UPF1: variants seen among roughly 807,000 people sequenced by gnomAD.
The protein encoded by UPF1 is regulator of nonsense transcripts 1.
A neutral mutation model predicts 129.2 loss-of-function variants in UPF1; 9 were observed. The observed-to-expected ratio is 0.07, with a 90% CI of 0.04 to 0.12. The LOEUF (loss-of-function observed/expected upper bound fraction) is 0.12. Among genes scored for constraint, UPF1 ranks in the 10% least tolerant of loss-of-function variants. The probability of loss-of-function intolerance (pLI) is 1.00; values close to 1 mark genes in which losing one functional copy is unlikely to be tolerated. For synonymous variants in UPF1, 649 were observed against 644.9 expected (o/e 1.01, Z -0.10); for missense variants, 788 against 1,525.3 (o/e 0.52, Z 8.05).
chr19:18,859,165 G>T (rs2055749975), intron 15 of UPF1, among the ~76,000 whole-genome samples: 1 of 152,228 alleles, frequency 6.6e-6, no homozygotes, highest in Non-Finnish European at 1.5e-5. Context: ...GCTCTGGGGT[G>T]TCTGAGCACT....
intron 15 of UPF1, among the ~76,000 whole-genome samples, chr19:18,858,217 CA>C (rs1393050879): frequency 6.6e-6 from 1 of 152,178 alleles, no homozygotes; most frequent in African/African-American, 2.4e-5. Context: ...AGACTTTTTC[CA>C]AAAATGATCG....
chr19:18,860,126 T>C, intron 15 of UPF1, 195 bp from the exon 16 acceptor site: 1 of 579,894 alleles, frequency 1.7e-6, no homozygotes, highest in Non-Finnish European at 3.1e-6. Flanking sequence ...CGGTGGCCTC[T>C]CCTCAGCCTT....
In UPF1 at chr19:18,855,147, G is replaced by A; in HGVS notation, c.1449G>A (p.Leu483=). 3.1e-6 allele frequency: 5 copies of A among 1,613,950 alleles called. No homozygotes were observed. The highest frequency in any genetic ancestry group is 4.2e-6 in the Non-Finnish European group (5 of 1,179,984). Residue 483 remains leucine, a synonymous_variant, in exon 11 of 24, where the codon CTG becomes CTA. Transcript: ENST00000262803. Reference sequence around the variant, plus strand: ...AGGTTTATGCCGTGAAGACTGTGCTGCAAAGACCACTGAGCCTGATCCAGG... The same window carrying A: ...AGGTTTATGCCGTGAAGACTGTGCTACAAAGACCACTGAGCCTGATCCAGG... ...HSQVYAVKTV[L]QRPLSLIQGP...
intron 8 of UPF1, 142 bp from the exon 9 acceptor site, chr19:18,854,459 A>G (rs2055693560): frequency 3.0e-6 from 2 of 673,000 alleles, no homozygotes; most frequent in South Asian, 3.5e-5. Flanking sequence ...TGTTGGCTGC[A>G]CGTTTTTAGC....
rs34266994 is a variant in UPF1 at position 18,856,222 on chromosome 19, C to T, written c.1746C>T (p.Asp582=). The T allele has an allele frequency of 6.8e-6, 11 of 1,610,696 alleles. No homozygotes were observed. The highest frequency in any genetic ancestry group is 4.0e-5 in the African/African-American group (3 of 74,886). The change falls in exon 13 of 24, where the codon GAC becomes GAT. Residue 582 remains aspartate (D), a synonymous_variant. Coordinates refer to ENST00000262803, the MANE Select transcript of UPF1 (RefSeq NM_002911.4). ...PELQKLQQLK[D]ETGELSSADE... is the part of the protein sequence containing the mutation. ...TGCAGAAGCTGCAGCAGCTGAAAGA[C>T]GAGACTGGGGAGCTGTCGTCTGCCG...
chr19:18,836,329 A>G (rs1386213831), intron 1 of UPF1, among the ~76,000 whole-genome samples: 4 of 152,238 alleles, frequency 2.6e-5, no homozygotes, highest in Non-Finnish European at 4.4e-5. Flanking sequence ...AACGGGAACT[A>G]GAGTGAAACT....
chr19:18,856,557 TC>T lies in UPF1; in HGVS notation c.1824+258del, dbSNP rs201888307. ...GTGGATCTAGAACACTCCTGCTCTT[TC>T]ATAACCAACCAGCCTGAACTGGAAT... is the stretch of plus-strand genomic sequence containing the variant. On this transcript the variant is annotated intron_variant, in intron 13 of 23. Transcript: ENST00000262803. Among the ~76,000 whole-genome samples, 200 of 152,292 alleles carry T rather than the reference TC, an allele frequency of 1.3e-3. 5 individuals are homozygous for T. The East Asian group carries it at 0.038, about 29-fold the overall frequency.
intron 3 of UPF1, 96 bp downstream of exon 3, chr19:18,847,929 C>A (rs1462838980): frequency 2.2e-6 from 3 of 1,369,222 alleles, no homozygotes; most frequent in Non-Finnish European, 3.1e-6. Flanking sequence ...AATATAAAAT[C>A]ACGCTAACAA....
Position 18,846,060 on chromosome 19 carries a change from C to T in UPF1, c.312C>T (p.Asn104=), listed in dbSNP as rs764791252. Residue 104 remains asparagine, a synonymous_variant, in exon 2 of 24, where the codon AAC becomes AAT. Transcript: ENST00000262803. ...AKTSQLLAEL[N]FEEDEEDTYY... is the part of the protein sequence containing the mutation. ...CCAGCCAGTTGTTGGCTGAGTTGAA[C>T]TTCGAGGAAGATGAAGAAGACACCT... is the stretch of plus-strand genomic sequence containing the variant. The T allele has an allele frequency of 5.6e-6, 9 of 1,614,182 alleles. No homozygotes were observed. The South Asian group carries it at 8.8e-5, about 16-fold the overall frequency.
chr19:18,849,740 G>A (rs1273205261), intron 3 of UPF1: 3 of 298,536 alleles, frequency 1.0e-5, no homozygotes, highest in African/African-American at 6.9e-5. Context: ...TGTGGGAAAT[G>A]TCTCTGACCC....
intron 14 of UPF1, 80 bp from the exon 15 acceptor site, chr19:18,857,240 G>GC: frequency 6.6e-7 from 1 of 1,520,664 alleles, no homozygotes; most frequent in Non-Finnish European, 8.9e-7. Flanking sequence ...GCATCCTGGG[G>GC]CCCCTACTTC....
Position 18,865,309 on chromosome 19 carries a change from T to G in UPF1, c.2878T>G (p.Phe960Val). 1 of 1,610,628 alleles carries G rather than the reference T, an allele frequency of 6.2e-7. No homozygotes were observed. Among genetic ancestry groups the G allele is most frequent in the South Asian group, 1.1e-5 (1 of 91,034 alleles). ...TGCAGGCCGGCCTTCCAGCATGTAC[T>G]TCCAGACCCATGACCAGATTGGCAT... ...SSQGRPSSMYFQTHDQIGMIS... is the reference protein window; with the variant it reads ...SSQGRPSSMYVQTHDQIGMIS... The change falls in exon 21 of 24, where the codon TTC (phenylalanine) becomes GTC (valine). Residue 960 changes from phenylalanine (F) to valine (V), a missense_variant. This residue lies in a region of UPF1 where 218 missense variants were observed against 318.1 expected (regional missense o/e 0.69). Transcript: ENST00000262803. The surrounding 1 kb of genome is among the most constrained non-coding windows in gnomAD (Gnocchi z 6.1).
chr19:18,851,278 G>GGGAGA lies in UPF1; in HGVS notation c.810+418_810+422dup, dbSNP rs2055656350. The stretch of plus-strand genomic sequence containing the variant: ...GTCGGCACAGTCAGCTGAGACAGAG[G>GGGAGA]GGAGAGGAGAGGGTGCCGGGTCAAG... On this transcript the variant is annotated intron_variant, in intron 5 of 23. Transcript: ENST00000262803. The surrounding 1 kb of genome is among the most constrained non-coding windows in gnomAD (Gnocchi z 4.2). The GGGAGA allele has an allele frequency of 6.2e-6, 1 of 161,480 alleles. No homozygotes were observed. Among genetic ancestry groups the GGGAGA allele is most frequent in the Non-Finnish European group, 1.4e-5 (1 of 73,952 alleles). 10.0% of individuals were successfully genotyped at this position (161,480 alleles called of 1,614,324 possible).
At chr19:18,836,845 C>T (rs971571059) in intron 1 of UPF1, among the ~76,000 whole-genome samples, 5 of 151,610 alleles carry the variant, frequency 3.3e-5, no homozygotes, top group African/African-American at 4.9e-5. Flanking sequence ...CCTCCACCTC[C>T]TGGGTTCAAG....
chr19:18,856,136 G>C, intron 12 of UPF1, 47 bp downstream of exon 12: 1 of 1,607,940 alleles, frequency 6.2e-7, no homozygotes. Flanking sequence ...AGCTTCTGCG[G>C]GTGACATGTA....
At chr19:18,841,073 A>C (rs940862323) in intron 1 of UPF1, among the ~76,000 whole-genome samples, 2 of 152,234 alleles carry the variant, frequency 1.3e-5, no homozygotes, top group African/African-American at 4.8e-5. Flanking sequence ...CGCTGCCTGC[A>C]CCGTCCTCAC....
chr19:18,835,836 G>A (rs141705365), intron 1 of UPF1, among the ~76,000 whole-genome samples: 7 of 152,318 alleles, frequency 4.6e-5, no homozygotes, highest in Middle Eastern at 3.4e-3. Context: ...CTGCTGGGCC[G>A]CGTAGTAACC....
intron 19 of UPF1, 62 bp from the exon 20 acceptor site, chr19:18,864,108 C>A: frequency 6.7e-7 from 1 of 1,483,586 alleles, no homozygotes; most frequent in African/African-American, 1.4e-5. Flanking sequence ...GGCCACCGGG[C>A]CCGTGGGAAG....
intron 18 of UPF1, 34 bp downstream of exon 18, chr19:18,862,186 G>A (rs758690990): frequency 3.1e-5 from 50 of 1,606,050 alleles, no homozygotes; most frequent in Middle Eastern, 1.7e-4. Context: ...CTGCCCAGCC[G>A]CTCATCGGTC....
Sources: gnomAD v4.1 joint callset for allele counts (sites outside exome capture counted in the v4.1 genomes callset) on GRCh38, gnomAD v4.1.1 for gene constraint, gnomAD v4.1.1 regional missense constraint, Gnocchi (gnomAD v3.1) non-coding constraint, MANE v1.5 for transcripts, NCBI Gene and HGNC (gene_info 2026-07-23, HGNC 2026-07-21) for gene names.